The following DLGAP1 variants were observed in gnomAD, a reference collection of about 807,000 sequenced individuals.
The protein encoded by DLGAP1 is DLG associated protein 1, also known as disks large-associated protein 1.
In DLGAP1, 11 loss-of-function variants were observed where a neutral mutation model predicts 90.8. That is an observed-to-expected ratio of 0.12 (90% confidence interval 0.08 to 0.20). The LOEUF (loss-of-function observed/expected upper bound fraction) is 0.20. Among genes scored for constraint, DLGAP1 ranks in the 10% least tolerant of loss-of-function variants. The pLI, the probability that DLGAP1 is intolerant of heterozygous loss-of-function variation, is 1.00. For missense variants in DLGAP1, 1,050 were observed against 1,333.8 expected (o/e 0.79, Z 3.31); for synonymous variants, 558 against 540.7 (o/e 1.03, Z -0.44).
At chr18:3,522,049 G>A (rs1015971784) in intron 10 of DLGAP1, among the ~76,000 whole-genome samples, 1 of 150,238 alleles carries the variant, frequency 6.7e-6, no homozygotes, top group Admixed American at 6.6e-5. Context: ...AGGATAAGTT[G>A]AGTTGTGTTT....
In DLGAP1 at chr18:3,705,634, TATA is replaced by T. The variant is rs1017533059; in HGVS notation, c.1591+23498_1591+23500del. Among the ~76,000 whole-genome samples the T allele has an allele frequency of 4.7e-5, 7 of 150,328 alleles. No homozygotes were observed. The South Asian group carries it at 1.0e-3, about 23-fold the overall frequency. ...TAACTAAGGTGACCATATATCCCAG[TATA>T]ATAATAATAATAGTAATTATTATTA... On this transcript the variant is annotated intron_variant, in intron 7 of 12. Transcript: ENST00000315677.
chr18:3,559,296 G>A (rs76864718), intron 9 of DLGAP1, among the ~76,000 whole-genome samples: 9,173 of 152,170 alleles, frequency 0.06, 315 homozygotes, highest in Middle Eastern at 0.11. Context: ...ATTTGCTTCG[G>A]CCTCAAGGAG....
At chr18:4,170,487 A>G (rs1288460478) in intron 1 of DLGAP1, among the ~76,000 whole-genome samples, 1 of 152,180 alleles carries the variant, frequency 6.6e-6, no homozygotes, top group Non-Finnish European at 1.5e-5. Context: ...AGCCACTGAT[A>G]TAATTTAAGC....
intron 3 of DLGAP1, among the ~76,000 whole-genome samples, chr18:3,884,161 A>G (rs1472702343): frequency 1.3e-5 from 2 of 152,246 alleles, no homozygotes; most frequent in Non-Finnish European, 2.9e-5. Context: ...GGAAGAATGT[A>G]AGAGGGTTAA....
At chr18:4,438,158 T>C (rs2083447896) in intron 1 of DLGAP1, among the ~76,000 whole-genome samples, 1 of 152,294 alleles carries the variant, frequency 6.6e-6, no homozygotes, top group East Asian at 1.9e-4. Flanking sequence ...GTCACTTGTA[T>C]ACTTATTATG....
chr18:3,601,017 T>TATAGATATAG (rs2056981101), intron 7 of DLGAP1, among the ~76,000 whole-genome samples: 1 of 142,568 alleles, frequency 7.0e-6, no homozygotes, highest in African/African-American at 2.6e-5. Context: ...TAGATAGATA[T>TATAGATATAG]ATAGATATAT....
At chr18:3,930,340 G>A (rs149025453) in intron 3 of DLGAP1, among the ~76,000 whole-genome samples, 19 of 152,274 alleles carry the variant, frequency 1.2e-4, no homozygotes, top group Middle Eastern at 6.8e-3. Context: ...TATCTTCTTC[G>A]TGGCAAATAT....
chr18:3,797,424 GC>G (rs973074612), intron 5 of DLGAP1, among the ~76,000 whole-genome samples: 1 of 151,966 alleles, frequency 6.6e-6, no homozygotes, highest in African/African-American at 2.4e-5. Flanking sequence ...CAGGAAAAGG[GC>G]CCTCAGCAGA....
intron 2 of DLGAP1, among the ~76,000 whole-genome samples, chr18:4,060,392 C>T (rs1448796245): frequency 6.6e-6 from 1 of 152,144 alleles, no homozygotes; most frequent in East Asian, 1.9e-4. Flanking sequence ...AAGATGGGTA[C>T]CTGCTTAATA....
At chr18:4,025,531 G>A (rs185013417) in intron 2 of DLGAP1, among the ~76,000 whole-genome samples, 1 of 152,112 alleles carries the variant, frequency 6.6e-6, no homozygotes. Context: ...CTTCAGGGTG[G>A]TAAAGTGATT....
At chr18:4,008,739 T>A (rs1207111370) in intron 2 of DLGAP1, among the ~76,000 whole-genome samples, 1 of 152,224 alleles carries the variant, frequency 6.6e-6, no homozygotes, top group Non-Finnish European at 1.5e-5. Context: ...ATTTAGGTAG[T>A]TCAGTGCTCA....
intron 5 of DLGAP1, among the ~76,000 whole-genome samples, chr18:3,808,547 G>A (rs920914757): frequency 1.3e-5 from 2 of 152,140 alleles, no homozygotes; most frequent in African/African-American, 4.8e-5. Flanking sequence ...GAACAGGTAG[G>A]AGAGGAACAA....
intron 4 of DLGAP1, chr18:3,845,398 G>A: frequency 1.4e-6 from 2 of 1,401,206 alleles, no homozygotes; most frequent in Non-Finnish European, 1.9e-6. Flanking sequence ...GGGGGTGGGG[G>A]GAGAGTGGTT....
chr18:4,440,242 T>C (rs1598425599), intron 1 of DLGAP1, among the ~76,000 whole-genome samples: 1 of 151,490 alleles, frequency 6.6e-6, no homozygotes, highest in African/African-American at 2.4e-5. Context: ...GCAGATGGAA[T>C]AAAATATTTT....
intron 1 of DLGAP1, among the ~76,000 whole-genome samples, chr18:4,266,687 G>C (rs2079137892): frequency 6.6e-6 from 1 of 152,182 alleles, no homozygotes; most frequent in African/African-American, 2.4e-5. Flanking sequence ...CCAGTTGCTG[G>C]AAAGTCAAAA....
intron 2 of DLGAP1, among the ~76,000 whole-genome samples, chr18:4,065,614 G>A (rs1598337679): frequency 6.6e-6 from 1 of 152,036 alleles, no homozygotes; most frequent in Non-Finnish European, 1.5e-5. Flanking sequence ...CAGCTAACTA[G>A]GGAGGTGAAA....
At chr18:4,244,856 G>C (rs983133299) in intron 1 of DLGAP1, among the ~76,000 whole-genome samples, 2 of 152,136 alleles carry the variant, frequency 1.3e-5, no homozygotes, top group Non-Finnish European at 2.9e-5. Flanking sequence ...CCAGTGTAAC[G>C]AAATGGTTCT....
chr18:3,848,912 TC>T (rs564111135), intron 4 of DLGAP1, among the ~76,000 whole-genome samples: 1 of 152,040 alleles, frequency 6.6e-6, no homozygotes, highest in African/African-American at 2.4e-5. Flanking sequence ...TCTTTGCTCC[TC>T]CCCCCAACAC....
At chr18:4,178,510 A>G (rs1159528995) in intron 1 of DLGAP1, among the ~76,000 whole-genome samples, 5 of 152,294 alleles carry the variant, frequency 3.3e-5, no homozygotes, top group Admixed American at 3.3e-4. Context: ...ATCTTTGTGT[A>G]TCTCATAGTG....
Sources: allele counts gnomAD v4.1 joint callset (sites outside exome capture counted in the v4.1 genomes callset), GRCh38; gene constraint gnomAD v4.1.1; transcripts MANE v1.5; gene names NCBI Gene and HGNC (gene_info 2026-07-23, HGNC 2026-07-21).